Variants in PRLR observed in about 807,000 individuals in gnomAD.
The protein encoded by PRLR is hPRL receptor.
Under a neutral mutation model 40.2 loss-of-function variants are expected in PRLR, and 13 were observed. The ratio of observed to expected loss-of-function variants is 0.32; its 90% CI spans 0.21 to 0.51. PRLR has a LOEUF of 0.51. Among genes scored for constraint, PRLR ranks in the 20% least tolerant of loss-of-function variants. The pLI, the probability that PRLR is intolerant of heterozygous loss-of-function variation, is 0.97. For synonymous variants in PRLR, 269 were observed against 278.7 expected (o/e 0.97, Z 0.35); for missense variants, 656 against 747.3 (o/e 0.88, Z 1.42).
At chr5:35,123,806 C>A (rs994864674) in intron 1 of PRLR, among the ~76,000 whole-genome samples, 5 of 152,164 alleles carry the variant, frequency 3.3e-5, no homozygotes, top group Admixed American at 3.3e-4. Flanking sequence ...CACTTATAGT[C>A]TGTCATTCTA....
In PRLR at chr5:35,056,660, T is replaced by C. The variant is rs1290937817; in HGVS notation, c.*8429A>G. On this transcript the variant is annotated 3_prime_UTR_variant, in exon 10 of 10. Coordinates refer to ENST00000618457, the MANE Select transcript of PRLR (RefSeq NM_000949.7). ...TGCTTTTGAAAAATTAGCTACATAT[T>C]ACTTCTCCAGCTCATCATTAATTGT... 1 of 152,192 alleles carries C rather than the reference T, an allele frequency of 6.6e-6. No individual in the cohort carries two copies. Among genetic ancestry groups the C allele is most frequent in the East Asian group, 1.9e-4 (1 of 5,204 alleles). The allele number at this position is 152,192 out of a possible 1,614,324, so 9.4% of individuals were successfully genotyped here.
At chr5:35,224,562 A>G (rs188447834) in intron 1 of PRLR, among the ~76,000 whole-genome samples, 81 of 152,352 alleles carry the variant, frequency 5.3e-4, no homozygotes, top group African/African-American at 1.7e-3. Flanking sequence ...CAGCTACATA[A>G]AGGCAACTCC....
chr5:35,097,661 T>G (rs1771615108), intron 2 of PRLR, among the ~76,000 whole-genome samples: 1 of 152,140 alleles, frequency 6.6e-6, no homozygotes, highest in Admixed American at 6.5e-5. Context: ...AAGGCAGCCC[T>G]CTTCCTAATA....
At chr5:35,155,860 C>A (rs1300779367) in intron 1 of PRLR, among the ~76,000 whole-genome samples, 1 of 152,168 alleles carries the variant, frequency 6.6e-6, no homozygotes, top group Non-Finnish European at 1.5e-5. Flanking sequence ...AAAGATAATT[C>A]ATGATTTCAC....
chr5:35,154,068 A>G (rs1774417558), intron 1 of PRLR, among the ~76,000 whole-genome samples: 1 of 152,248 alleles, frequency 6.6e-6, no homozygotes, highest in Non-Finnish European at 1.5e-5. Context: ...TTCAAATAAC[A>G]GCAGCTTACC....
chr5:35,070,321 G>T, intron 6 of PRLR, 56 bp from the exon 7 acceptor site: 1 of 1,585,816 alleles, frequency 6.3e-7, no homozygotes, highest in East Asian at 2.2e-5. Flanking sequence ...TGAAGAAAGA[G>T]AGTTTTCCCC....
intron 1 of PRLR, among the ~76,000 whole-genome samples, chr5:35,137,708 CT>C (rs1773901691): frequency 6.6e-6 from 1 of 152,212 alleles, no homozygotes; most frequent in African/African-American, 2.4e-5. Flanking sequence ...GGAAATGACA[CT>C]GTAGTGCTTG....
intron 1 of PRLR, among the ~76,000 whole-genome samples, chr5:35,157,754 C>T (rs73078808): frequency 0.08 from 12,237 of 152,242 alleles, 1,694 homozygotes; most frequent in African/African-American, 0.28. Context: ...CTTTCATACT[C>T]GGAACTAAAA....
At chr5:35,204,376 A>G (rs541433120) in intron 1 of PRLR, among the ~76,000 whole-genome samples, 1 of 152,222 alleles carries the variant, frequency 6.6e-6, no homozygotes, top group African/African-American at 2.4e-5. Flanking sequence ...CTTGCATCTT[A>G]TGATGAGGAT....
chr5:35,086,086 G>C (rs143355479), intron 4 of PRLR, 122 bp downstream of exon 4: 1 of 1,208,266 alleles, frequency 8.3e-7, no homozygotes, highest in African/African-American at 1.5e-5. Flanking sequence ...CCCTTTCCCC[G>C]GTGGTATGAA....
chr5:35,209,766 G>C (rs1776123286), intron 1 of PRLR, among the ~76,000 whole-genome samples: 1 of 152,130 alleles, frequency 6.6e-6, no homozygotes, highest in African/African-American at 2.4e-5. Flanking sequence ...ATGGTATATG[G>C]GCTTGGGCCA....
Position 35,058,830 on chromosome 5 carries a change from C to A in PRLR, c.*6259G>T, listed in dbSNP as rs1043612978. 3 of 152,076 alleles carry A rather than the reference C, an allele frequency of 2.0e-5. No individual in the cohort carries two copies. The highest frequency in any genetic ancestry group is 2.9e-5 in the Non-Finnish European group (2 of 68,016). The allele number at this position is 152,076 out of a possible 1,614,324, so 9.4% of individuals were successfully genotyped here. A position where few individuals can be genotyped will look rare whatever the true frequency, so the allele number is the denominator to read the frequency against. On this transcript the variant is annotated 3_prime_UTR_variant, in exon 10 of 10. Coordinates refer to ENST00000618457, the MANE Select transcript of PRLR (RefSeq NM_000949.7). The stretch of plus-strand genomic sequence containing the variant: ...AGTTACTGTAAAGTCAGTAATGCCA[C>A]TTGGCAAATACATCAAATATGCCAC...
chr5:35,095,833 A>T (rs1771506381), intron 2 of PRLR, among the ~76,000 whole-genome samples: 1 of 152,208 alleles, frequency 6.6e-6, no homozygotes. Flanking sequence ...CTTTTATATA[A>T]AACGTTTATC....
At chr5:35,082,737 A>C (rs1770599913) in intron 5 of PRLR, among the ~76,000 whole-genome samples, 1 of 152,178 alleles carries the variant, frequency 6.6e-6, no homozygotes, top group African/African-American at 2.4e-5. Context: ...ATGAGAGTCG[A>C]AGTGTCAGAA....
chr5:35,067,871 G>C (rs1442535502), intron 9 of PRLR, among the ~76,000 whole-genome samples: 3 of 152,026 alleles, frequency 2.0e-5, no homozygotes, highest in South Asian at 2.1e-4. Context: ...AGGGGGTGGT[G>C]GTGGGTCCCT....
intron 1 of PRLR, among the ~76,000 whole-genome samples, chr5:35,186,270 A>AT (rs112357816): frequency 0.33 from 50,139 of 151,600 alleles, 8,904 homozygotes; most frequent in African/African-American, 0.46. Flanking sequence ...TCTTTAAAAA[A>AT]ATTTTTTTTT....
intron 5 of PRLR, among the ~76,000 whole-genome samples, chr5:35,076,401 C>A (rs1279904464): frequency 6.6e-6 from 1 of 152,100 alleles, no homozygotes; most frequent in Non-Finnish European, 1.5e-5. Context: ...GATGCATGCA[C>A]AAGCATCAGT....
At chr5:35,050,160 A>C (rs1435113687) in intron 8 of PRLR, among the ~76,000 whole-genome samples, 3 of 152,140 alleles carry the variant, frequency 2.0e-5, no homozygotes, top group African/African-American at 7.2e-5. Context: ...TGGCCTCCCA[A>C]AGTGCTGGGA....
At chr5:35,143,196 A>G (rs1774072571) in intron 1 of PRLR, among the ~76,000 whole-genome samples, 2 of 152,230 alleles carry the variant, frequency 1.3e-5, no homozygotes, top group African/African-American at 4.8e-5. Flanking sequence ...TTTGTGGCCC[A>G]TAGGGTCTTT....
Sources: gnomAD v4.1 joint callset for allele counts (sites outside exome capture counted in the v4.1 genomes callset) on GRCh38, gnomAD v4.1.1 for gene constraint, MANE v1.5 for transcripts, NCBI Gene and HGNC (gene_info 2026-07-23, HGNC 2026-07-21) for gene names.